Variants in COMMD10 observed in about 807,000 individuals in gnomAD.
The protein encoded by COMMD10 is COMM domain-containing protein 10.
Under a neutral mutation model 28.9 loss-of-function variants are expected in COMMD10, and 33 were observed. The observed-to-expected ratio is 1.14, with a 90% CI of 0.87 to 1.53. COMMD10 has a LOEUF of 1.53. Ranked by LOEUF, COMMD10 falls within the 40% of genes most tolerant of loss-of-function variation. COMMD10 has a pLI of 0.00. For missense variants in COMMD10, 310 were observed against 233.4 expected (o/e 1.33, Z -2.14); for synonymous variants, 110 against 81.7 (o/e 1.35, Z -1.87).
intron 5 of COMMD10, among the ~76,000 whole-genome samples, chr5:116,235,637 T>G (rs1170172646): frequency 6.6e-6 from 1 of 152,200 alleles, no homozygotes; most frequent in Non-Finnish European, 1.5e-5. Flanking sequence ...AATTCTGTTT[T>G]CAAAATCATT....
At chr5:116,138,981 G>A (rs75444755) in intron 5 of COMMD10, among the ~76,000 whole-genome samples, 3,137 of 151,768 alleles carry the variant, frequency 0.021, 105 homozygotes, top group African/African-American at 0.07. Context: ...GAAGCACAGA[G>A]AAGTTAAATA....
intron 4 of COMMD10, among the ~76,000 whole-genome samples, chr5:116,123,797 G>C (rs531634671): frequency 1.2e-4 from 18 of 152,052 alleles, no homozygotes; most frequent in African/African-American, 3.6e-4. Context: ...TGTAGTCTTG[G>C]GAGGGTGTAT....
Position 116,248,087 on chromosome 5 carries a change from A to G in COMMD10, c.511-43430A>G, listed in dbSNP as rs544314594. On this transcript the variant is annotated intron_variant, in intron 5 of 6. Transcript: ENST00000274458. ...AACAAAAGAATCATATTCACTGACC[A>G]AGAATACCACTTTTACTGCTGTGAG... Among the ~76,000 whole-genome samples the G allele has an allele frequency of 2.0e-5, 3 of 152,024 alleles. No homozygotes were observed. The East Asian group carries it at 5.8e-4, about 29-fold the overall frequency.
intron 5 of COMMD10, among the ~76,000 whole-genome samples, chr5:116,227,045 C>T (rs1462941729): frequency 6.6e-6 from 1 of 152,014 alleles, no homozygotes; most frequent in Non-Finnish European, 1.5e-5. Flanking sequence ...TTCACTCTCC[C>T]CCTCTTTTGC....
chr5:116,206,333 T>A (rs1748812606), intron 5 of COMMD10, among the ~76,000 whole-genome samples: 1 of 152,146 alleles, frequency 6.6e-6, no homozygotes, highest in African/African-American at 2.4e-5. Flanking sequence ...TATCATTGAT[T>A]TCTAGCACTG....
chr5:116,099,738 C>T (rs555585420), intron 4 of COMMD10, among the ~76,000 whole-genome samples: 212 of 152,106 alleles, frequency 1.4e-3, no homozygotes, highest in Non-Finnish European at 2.4e-3. Context: ...CATTTTTATG[C>T]CTTTTTTTGG....
intron 4 of COMMD10, among the ~76,000 whole-genome samples, chr5:116,121,792 T>G (rs933323640): frequency 6.6e-6 from 1 of 151,750 alleles, no homozygotes; most frequent in Non-Finnish European, 1.5e-5. Context: ...TTGAGAAGTG[T>G]CTGTTCATAT....
At chr5:116,171,828 C>T (rs908437436) in intron 5 of COMMD10, among the ~76,000 whole-genome samples, 14 of 77,816 alleles carry the variant, frequency 1.8e-4, no homozygotes, top group Admixed American at 8.4e-4. Flanking sequence ...GGGCCTGTCA[C>T]GGGTGTGGGG....
intron 5 of COMMD10, among the ~76,000 whole-genome samples, chr5:116,152,701 A>T (rs1434793421): frequency 1.3e-5 from 2 of 152,094 alleles, no homozygotes; most frequent in Non-Finnish European, 2.9e-5. Flanking sequence ...ATGAGAAACC[A>T]GAAGTTTTTC....
rs113549593 is a variant in COMMD10, at chr5:116,163,326, T to G, written c.510+29148T>G. On this transcript the variant is annotated intron_variant, in intron 5 of 6. Coordinates refer to ENST00000274458, the MANE Select transcript of COMMD10 (RefSeq NM_016144.4). Reference sequence around the variant, plus strand: ...AGGGCCAGGCATGGTAGCTCACTCCTGTACTTCCAGCACTTTGGGAGGCCG... The same window carrying G: ...AGGGCCAGGCATGGTAGCTCACTCCGGTACTTCCAGCACTTTGGGAGGCCG... Among the ~76,000 whole-genome samples the G allele has an allele frequency of 1.9e-3, 294 of 151,554 alleles. 2 individuals carry two copies. Among genetic ancestry groups the G allele is most frequent in the African/African-American group, 6.7e-3 (276 of 41,178 alleles).
intron 5 of COMMD10, among the ~76,000 whole-genome samples, chr5:116,236,513 A>G (rs1740487238): frequency 6.6e-6 from 1 of 151,796 alleles, no homozygotes; most frequent in South Asian, 2.1e-4. Context: ...TCAAAAAAAA[A>G]AAAAAAAAAA....
intron 5 of COMMD10, among the ~76,000 whole-genome samples, chr5:116,267,392 G>C (rs1425396289): frequency 1.3e-5 from 2 of 151,840 alleles, no homozygotes; most frequent in African/African-American, 2.4e-5. Flanking sequence ...AATTTACAAG[G>C]GATGTGAAGG....
At chr5:116,108,717 G>A (rs1194306622) in intron 4 of COMMD10, among the ~76,000 whole-genome samples, 2 of 145,204 alleles carry the variant, frequency 1.4e-5, no homozygotes, top group Non-Finnish European at 3.0e-5. Flanking sequence ...GGCATTCCAG[G>A]TGCCATTGGG....
Position 116,239,901 on chromosome 5 carries a change from C to T in COMMD10, c.511-51616C>T, listed in dbSNP as rs6867109. On this transcript the variant is annotated intron_variant, in intron 5 of 6. Transcript: ENST00000274458. The stretch of plus-strand genomic sequence containing the variant: ...TTGTCTTTTCTTCAACTGATTGGCA[C>T]TATCTACTTATAACTTATAACTTAG... 8.0e-3 allele frequency among the ~76,000 whole-genome samples: 1,218 copies of T among 152,248 alleles called. 21 individuals are homozygous for T. The highest frequency in any genetic ancestry group is 0.027 in the African/African-American group (1,142 of 41,556).
chr5:116,098,898 T>C (rs903500862), intron 4 of COMMD10, among the ~76,000 whole-genome samples: 1 of 152,246 alleles, frequency 6.6e-6, no homozygotes, highest in African/African-American at 2.4e-5. Flanking sequence ...GTATACATTG[T>C]GTAATGATTA....
chr5:116,103,924 GTT>G (rs1750746917), intron 4 of COMMD10, among the ~76,000 whole-genome samples: 1 of 152,122 alleles, frequency 6.6e-6, no homozygotes, highest in Non-Finnish European at 1.5e-5. Flanking sequence ...CCCATTTCTT[GTT>G]TTTGTCAGGT....
intron 5 of COMMD10, among the ~76,000 whole-genome samples, chr5:116,279,888 A>G (rs1414731316): frequency 6.6e-6 from 1 of 151,818 alleles, no homozygotes; most frequent in African/African-American, 2.4e-5. Flanking sequence ...ATTTATCAAA[A>G]TACCCTCAGC....
intron 5 of COMMD10, among the ~76,000 whole-genome samples, chr5:116,249,081 AGAG>A (rs1750039902): frequency 6.6e-6 from 1 of 151,968 alleles, no homozygotes; most frequent in Non-Finnish European, 1.5e-5. Flanking sequence ...TATTCACATC[AGAG>A]CATGGTTACC....
intron 5 of COMMD10, among the ~76,000 whole-genome samples, chr5:116,179,183 TAATA>T (rs1264092648): frequency 1.1e-4 from 17 of 152,314 alleles, no homozygotes; most frequent in Middle Eastern, 3.4e-3. Flanking sequence ...GTTTATAACC[TAATA>T]AATAAGATTC....
Sources: allele counts gnomAD v4.1 joint callset (sites outside exome capture counted in the v4.1 genomes callset), GRCh38; gene constraint gnomAD v4.1.1; transcripts MANE v1.5; gene names NCBI Gene and HGNC (gene_info 2026-07-23, HGNC 2026-07-21).